TBC1D30: variants seen among roughly 807,000 people sequenced by gnomAD.
TBC1D30 encodes TBC1 domain family member 30, also known as TBC1 domain family, member 30.
Under a neutral mutation model 63.2 loss-of-function variants are expected in TBC1D30, and 31 were observed. That is an observed-to-expected ratio of 0.49 (90% CI 0.37 to 0.66). The LOEUF is 0.66. TBC1D30 is among the 30% of genes least tolerant of loss of function. The probability of loss-of-function intolerance (pLI) is 0.00; values close to 1 mark genes in which losing one functional copy is unlikely to be tolerated. For missense variants in TBC1D30, 810 were observed against 953.6 expected (o/e 0.85, Z 1.98); for synonymous variants, 307 against 361.5 (o/e 0.85, Z 1.71).
chr12:64,838,620 G>T, intron 6 of TBC1D30, 63 bp from the exon 7 acceptor site: 3 of 1,471,928 alleles, frequency 2.0e-6, no homozygotes, highest in Non-Finnish European at 2.7e-6. Flanking sequence ...ACTAGAAAAG[G>T]GTATCTGCAT....
chr12:64,843,063 A>C (rs1876028426), intron 7 of TBC1D30, among the ~76,000 whole-genome samples: 1 of 152,226 alleles, frequency 6.6e-6, no homozygotes, highest in South Asian at 2.1e-4. Context: ...GCTGGATTGC[A>C]GTGGTGCTAT....
chr12:64,860,218 A>G (rs1183648581), intron 8 of TBC1D30, among the ~76,000 whole-genome samples: 1 of 151,908 alleles, frequency 6.6e-6, no homozygotes, highest in Non-Finnish European at 1.5e-5. Context: ...GGGTTTCACC[A>G]TGTTGCCCAG....
chr12:64,784,571 C>T (rs1212002674), intron 1 of TBC1D30, among the ~76,000 whole-genome samples: 1 of 150,454 alleles, frequency 6.6e-6, no homozygotes, highest in African/African-American at 2.4e-5. Flanking sequence ...GCTTTGCCTG[C>T]CTACTAGATC....
intron 6 of TBC1D30, 111 bp from the exon 7 acceptor site, chr12:64,838,572 C>A: frequency 9.5e-7 from 1 of 1,048,468 alleles, no homozygotes; most frequent in East Asian, 2.6e-5. Flanking sequence ...ATGAAGAAAT[C>A]AGTCAGGAAA....
At chr12:64,818,361 A>G in intron 2 of TBC1D30, 1 of 968,138 alleles carries the variant, frequency 1.0e-6, no homozygotes, top group East Asian at 1.1e-4. Flanking sequence ...TATCTCTCCA[A>G]TTATTCACAT....
At chr12:64,833,356 A>G (rs1404136798) in intron 5 of TBC1D30, among the ~76,000 whole-genome samples, 1 of 152,234 alleles carries the variant, frequency 6.6e-6, no homozygotes, top group Non-Finnish European at 1.5e-5. Context: ...GTGAGTCACC[A>G]GAAATAGAGT....
intron 10 of TBC1D30, among the ~76,000 whole-genome samples, chr12:64,870,047 C>T (rs1002908143): frequency 2.0e-5 from 3 of 152,088 alleles, no homozygotes; most frequent in Non-Finnish European, 4.4e-5. Flanking sequence ...ACACCACATC[C>T]GATATAACAA....
intron 1 of TBC1D30, among the ~76,000 whole-genome samples, chr12:64,766,059 C>T (rs556308318): frequency 3.9e-4 from 60 of 152,054 alleles, no homozygotes; most frequent in African/African-American, 1.4e-3. Context: ...AGCACTATAT[C>T]TGAAAATTCA....
chr12:64,860,530 C>T (rs1877701222), intron 8 of TBC1D30, among the ~76,000 whole-genome samples: 1 of 151,940 alleles, frequency 6.6e-6, no homozygotes, highest in South Asian at 2.1e-4. Flanking sequence ...AACATCTAGC[C>T]TAGTGTGAAT....
intron 1 of TBC1D30, among the ~76,000 whole-genome samples, chr12:64,827,223 G>C (rs988992017): frequency 6.6e-6 from 1 of 152,202 alleles, no homozygotes; most frequent in African/African-American, 2.4e-5. Context: ...GCTGAGGCAG[G>C]TGGATCACTT....
At chr12:64,855,890 G>A (rs11504188) in intron 8 of TBC1D30, among the ~76,000 whole-genome samples, 6,506 of 152,214 alleles carry the variant, frequency 0.043, 455 homozygotes, top group African/African-American at 0.15. Flanking sequence ...GAAGAGTTAG[G>A]TATTATAGTC....
intron 9 of TBC1D30, among the ~76,000 whole-genome samples, chr12:64,865,662 C>T (rs1878148416): frequency 6.6e-6 from 1 of 151,990 alleles, no homozygotes; most frequent in African/African-American, 2.4e-5. Flanking sequence ...TCGAGACCAG[C>T]CTGGGCAACG....
intron 1 of TBC1D30, among the ~76,000 whole-genome samples, chr12:64,764,057 T>G (rs980101481): frequency 1.3e-5 from 2 of 152,238 alleles, no homozygotes; most frequent in East Asian, 3.8e-4. Context: ...TTTACTTTGT[T>G]GAATAATGTC....
upstream of TBC1D30, among the ~76,000 whole-genome samples, chr12:64,822,007 A>G (rs913803845): frequency 7.9e-5 from 12 of 152,254 alleles, no homozygotes; most frequent in Non-Finnish European, 1.8e-4. Flanking sequence ...ACTTTTGCAG[A>G]TGGCTCATCT....
Position 64,870,720 on chromosome 12 carries a change from G to T in TBC1D30, c.1410G>T (p.Met470Ile). The T allele has an allele frequency of 1.3e-6, 2 of 1,536,024 alleles. No individual in the cohort carries two copies. Among genetic ancestry groups the T allele is most frequent in the South Asian group, 2.4e-5 (2 of 84,026 alleles). The change falls in exon 11 of 12, where the codon ATG becomes ATT. Residue 470 changes from methionine (M) to isoleucine (I), a missense_variant. By Grantham distance (10) the Met-to-Ile change is conservative (BLOSUM62 1). Around this residue, in one of 4 missense-constraint regions of TBC1D30, gnomAD observed 450 missense variants for 473.0 expected, o/e 0.95. Transcript: ENST00000539867. ...TTAACAGTATGATGATGGAACGCAT[G>T]ACCACAGATATCAATGCACTGAAGC... The part of the protein sequence containing the change: ...AAFNSMMMER[M>I]TTDINALKRQ...
At chr12:64,815,920 T>G (rs1232475980) in intron 2 of TBC1D30, among the ~76,000 whole-genome samples, 1 of 151,930 alleles carries the variant, frequency 6.6e-6, no homozygotes, top group East Asian at 1.9e-4. Flanking sequence ...ACGATAGCCA[T>G]GTACCACCAT....
At chr12:64,854,273 C>T (rs976666508) in intron 8 of TBC1D30, among the ~76,000 whole-genome samples, 7 of 152,022 alleles carry the variant, frequency 4.6e-5, no homozygotes, top group Middle Eastern at 3.4e-3. Context: ...GAGGTTACCA[C>T]GACACTGGCA....
intron 8 of TBC1D30, among the ~76,000 whole-genome samples, chr12:64,845,560 A>T (rs976428340): frequency 1.3e-5 from 2 of 152,014 alleles, no homozygotes; most frequent in African/African-American, 4.8e-5. Flanking sequence ...CCCTGTCTCT[A>T]TGTAAAATAC....
Position 64,825,009 on chromosome 12 carries a change from C to T in TBC1D30, c.130C>T (p.Arg44Trp), listed in dbSNP as rs1330739921. The T allele has an allele frequency of 1.3e-6, 2 of 1,533,890 alleles. No individual in the cohort carries two copies. The highest frequency in any genetic ancestry group is 2.4e-5 in the East Asian group (1 of 40,886). The change falls in exon 1 of 12, where the codon CGG (arginine) becomes TGG (tryptophan). Residue 44 changes from arginine (R) to tryptophan (W), a missense_variant. Physicochemically the swap from Arg to Trp is moderately radical, Grantham distance 101. This residue lies in a region of TBC1D30 where 272 missense variants were observed against 335.9 expected (regional missense o/e 0.81). Coordinates refer to ENST00000539867, the MANE Select transcript of TBC1D30 (RefSeq NM_015279.2). ...CAGCTGCATTTCCCGGACCGCGCCCCGGCTGCTGTGCACCCTGGAGCCGGG... is the reference window on the plus strand; with the variant it reads ...CAGCTGCATTTCCCGGACCGCGCCCTGGCTGCTGTGCACCCTGGAGCCGGG... ...KRSCISRTAP[R>W]LLCTLEPGVD...
Sources: gnomAD v4.1 joint callset for allele counts (sites outside exome capture counted in the v4.1 genomes callset) on GRCh38, gnomAD v4.1.1 for gene constraint, gnomAD v4.1.1 regional missense constraint, MANE v1.5 for transcripts, NCBI Gene and HGNC (gene_info 2026-07-23, HGNC 2026-07-21) for gene names.